AKAP19: variants seen among roughly 807,000 people sequenced by gnomAD.
AKAP19 encodes the protein small A-kinase anchoring protein.
At chr2:190,152,289 G>T in the AKAP19 span, among the ~76,000 whole-genome samples, 2 of 151,436 alleles carry the variant, frequency 1.3e-5, no homozygotes, top group Non-Finnish European at 2.9e-5. Context: ...GCTCCATTTG[G>T]GCCTATTTCT....
chr2:190,052,026 A>C, the AKAP19 span, among the ~76,000 whole-genome samples: 1 of 151,828 alleles, frequency 6.6e-6, no homozygotes, highest in South Asian at 2.1e-4. Context: ...TTTTTAGTAG[A>C]GACGGTGTTT....
the AKAP19 span, among the ~76,000 whole-genome samples, chr2:190,127,204 A>AT: frequency 6.6e-6 from 1 of 152,046 alleles, no homozygotes; most frequent in African/African-American, 2.4e-5. Context: ...AAAAAAAAAA[A>AT]AAATAAGACA....
the AKAP19 span, among the ~76,000 whole-genome samples, chr2:190,110,198 A>G: frequency 6.6e-6 from 1 of 152,212 alleles, no homozygotes; most frequent in East Asian, 1.9e-4. Context: ...GCTGCTTCGT[A>G]AGTGTCACAT....
At chr2:189,966,821 T>C in the AKAP19 span, among the ~76,000 whole-genome samples, 1 of 152,192 alleles carries the variant, frequency 6.6e-6, no homozygotes, top group African/African-American at 2.4e-5. Flanking sequence ...CTTACAATTT[T>C]ATGTGAATCT....
At chr2:189,958,186 A>G in the AKAP19 span, among the ~76,000 whole-genome samples, 1 of 152,240 alleles carries the variant, frequency 6.6e-6, no homozygotes, top group Non-Finnish European at 1.5e-5. Flanking sequence ...CCTATAAGTT[A>G]GTAAGAAGAT....
chr2:189,881,649 G>A, the AKAP19 span, among the ~76,000 whole-genome samples: 347 of 152,180 alleles, frequency 2.3e-3, 2 homozygotes, highest in African/African-American at 7.4e-3. Context: ...AGGGCTTTAC[G>A]AAAGCACAGC....
the AKAP19 span, among the ~76,000 whole-genome samples, chr2:189,886,047 G>A: frequency 6.6e-6 from 1 of 152,110 alleles, no homozygotes; most frequent in Non-Finnish European, 1.5e-5. Flanking sequence ...GACCTCAGGT[G>A]ATCCACCTGC....
chr2:190,093,430 C>T, the AKAP19 span, among the ~76,000 whole-genome samples: 1 of 65,438 alleles, frequency 1.5e-5, no homozygotes, highest in African/African-American at 7.9e-5. Flanking sequence ...AAGACTCTGT[C>T]TCAAAAAAAA....
chr2:189,966,855 A>T, the AKAP19 span, among the ~76,000 whole-genome samples: 2 of 152,340 alleles, frequency 1.3e-5, no homozygotes, highest in Non-Finnish European at 2.9e-5. Context: ...TACAAATTTC[A>T]ATTAAAAGGA....
the AKAP19 span, among the ~76,000 whole-genome samples, chr2:190,178,397 C>T: frequency 1.3e-5 from 2 of 152,220 alleles, no homozygotes; most frequent in Non-Finnish European, 2.9e-5. This position sits in a 1 kb window ranked among gnomAD's most constrained non-coding sequence, Gnocchi z 6.3. Context: ...CTGAGAGAGG[C>T]CCCACAGAGA....
the AKAP19 span, among the ~76,000 whole-genome samples, chr2:189,911,931 C>T: frequency 6.6e-6 from 1 of 151,358 alleles, no homozygotes; most frequent in Non-Finnish European, 1.5e-5. Context: ...TTTAATAATA[C>T]AAACTGGTTG....
the AKAP19 span, among the ~76,000 whole-genome samples, chr2:190,189,211 C>T: frequency 2.6e-5 from 4 of 152,106 alleles, no homozygotes; most frequent in African/African-American, 4.8e-5. Flanking sequence ...TGGTCTTTAC[C>T]GGCAAGAATT....
the AKAP19 span, among the ~76,000 whole-genome samples, chr2:190,026,395 G>A: frequency 6.6e-6 from 1 of 152,092 alleles, no homozygotes; most frequent in South Asian, 2.1e-4. Flanking sequence ...ATCAGTTAGG[G>A]GCTTGGTTAG....
At chr2:190,000,233 C>T in the AKAP19 span, among the ~76,000 whole-genome samples, 1 of 152,198 alleles carries the variant, frequency 6.6e-6, no homozygotes, top group South Asian at 2.1e-4. Flanking sequence ...ACATGTCCAA[C>T]TCTGTAGTGA....
chr2:189,889,536 C>T, the AKAP19 span, among the ~76,000 whole-genome samples: 5 of 152,124 alleles, frequency 3.3e-5, no homozygotes, highest in Non-Finnish European at 4.4e-5. Flanking sequence ...TGGTAGAATT[C>T]GGCTGTGAAT....
chr2:190,162,157 TAG>T, the AKAP19 span, among the ~76,000 whole-genome samples: 1 of 152,110 alleles, frequency 6.6e-6, no homozygotes, highest in Non-Finnish European at 1.5e-5. Flanking sequence ...GACTATCTAG[TAG>T]AGTAGAAGAT....
chr2:190,181,625 A>G, the AKAP19 span, among the ~76,000 whole-genome samples: 1 of 152,192 alleles, frequency 6.6e-6, no homozygotes, highest in Non-Finnish European at 1.5e-5. Flanking sequence ...AAGCGGAACA[A>G]TTGGAGTTGT....
the AKAP19 span, among the ~76,000 whole-genome samples, chr2:189,957,355 A>G: frequency 6.6e-6 from 1 of 152,198 alleles, no homozygotes; most frequent in Admixed American, 6.5e-5. Flanking sequence ...CATCCGCTCC[A>G]TTATTAACTT....
At chr2:190,075,583 A>G in the AKAP19 span, among the ~76,000 whole-genome samples, 1 of 152,304 alleles carries the variant, frequency 6.6e-6, no homozygotes, top group East Asian at 1.9e-4. Context: ...TCATTATAAA[A>G]TCATCTTCTT....
Sources: gnomAD v4.1 joint callset for allele counts (sites outside exome capture counted in the v4.1 genomes callset) on GRCh38, gnomAD v4.1.1 for gene constraint, Gnocchi (gnomAD v3.1) non-coding constraint, MANE v1.5 for transcripts, NCBI Gene and HGNC (gene_info 2026-07-23, HGNC 2026-07-21) for gene names.